Variants in SMAD6 observed in about 807,000 individuals in gnomAD.
The protein encoded by SMAD6 is SMAD family member 6, also known as MAD homolog 6.
Under a neutral mutation model 39.4 loss-of-function variants are expected in SMAD6, and 103 were observed. The ratio of observed to expected loss-of-function variants is 2.62; its 90% CI spans 2.23 to 3.08. The LOEUF is 3.08. Ranked by LOEUF, SMAD6 falls within the 30% of genes most tolerant of loss-of-function variation. The pLI is 0.00. For missense variants in SMAD6, 1,104 were observed against 742.9 expected (o/e 1.49, Z -5.65); for synonymous variants, 445 against 353.3 (o/e 1.26, Z -2.91).
intron 3 of SMAD6, among the ~76,000 whole-genome samples, chr15:66,734,523 T>A (rs2439385): frequency 1.3e-5 from 2 of 152,050 alleles, no homozygotes; most frequent in South Asian, 2.1e-4. Context: ...TGCCAGGAGC[T>A]GCTCTAAGTA....
At chr15:66,744,492 C>T (rs904907731) in intron 3 of SMAD6, among the ~76,000 whole-genome samples, 2 of 152,244 alleles carry the variant, frequency 1.3e-5, no homozygotes, top group African/African-American at 4.8e-5. Flanking sequence ...ACTTCCACTC[C>T]ATCCACCTCC....
intron 3 of SMAD6, among the ~76,000 whole-genome samples, chr15:66,719,799 C>G (rs2469120): frequency 1.3e-5 from 2 of 151,932 alleles, no homozygotes; most frequent in African/African-American, 2.4e-5. Flanking sequence ...AGCTCTCTGC[C>G]GAGTAGTTGT....
intron 3 of SMAD6, among the ~76,000 whole-genome samples, chr15:66,777,070 G>A (rs898555449): frequency 6.6e-6 from 1 of 151,720 alleles, no homozygotes; most frequent in African/African-American, 2.4e-5. Context: ...TGGTCGCCCT[G>A]TGTCATTCCC....
intron 3 of SMAD6, among the ~76,000 whole-genome samples, chr15:66,732,639 G>A (rs1893649939): frequency 6.6e-6 from 1 of 152,182 alleles, no homozygotes; most frequent in Admixed American, 6.5e-5. Flanking sequence ...TGGGATTGCA[G>A]GTGTGAGCCA....
intron 3 of SMAD6, among the ~76,000 whole-genome samples, chr15:66,748,377 A>G (rs1388684407): frequency 1.3e-5 from 2 of 152,238 alleles, no homozygotes; most frequent in Admixed American, 1.3e-4. Flanking sequence ...GGGATTATTA[A>G]TAGAGCCTAG....
chr15:66,717,239 G>GTCAGTCCCAGCCA, intron 3 of SMAD6: 3 of 780,830 alleles, frequency 3.8e-6, no homozygotes, highest in Non-Finnish European at 5.7e-6. Flanking sequence ...CATGCTGGCT[G>GTCAGTCCCAGCCA]GGACTGACAG....
chr15:66,773,196 G>A (rs1187898487), intron 3 of SMAD6, among the ~76,000 whole-genome samples: 2 of 149,908 alleles, frequency 1.3e-5, no homozygotes, highest in Non-Finnish European at 3.0e-5. Context: ...AGCCAAAGGT[G>A]CTGGAGCTGA....
intron 3 of SMAD6, among the ~76,000 whole-genome samples, chr15:66,760,323 A>C (rs1894176206): frequency 6.6e-6 from 1 of 152,168 alleles, no homozygotes; most frequent in Non-Finnish European, 1.5e-5. Context: ...GGTGCTAGGC[A>C]GTGCCTGTGG....
chr15:66,737,585 A>G (rs1464251252), intron 3 of SMAD6, among the ~76,000 whole-genome samples: 2 of 151,894 alleles, frequency 1.3e-5, no homozygotes, highest in Admixed American at 1.3e-4. Context: ...TCCTCACCCC[A>G]TTGGCCCTGG....
Position 66,781,249 on chromosome 15 carries a change from C to T in SMAD6, c.1205C>T (p.Ala402Val), listed in dbSNP as rs765507414. 6.2e-7 allele frequency: 1 copy of T among 1,608,456 alleles called. No individual in the cohort carries two copies. The highest frequency in any genetic ancestry group is 1.1e-5 in the South Asian group (1 of 91,054). The change falls in exon 4 of 4, where the codon GCC (alanine) becomes GTC (valine). Residue 402 changes from alanine to valine, a missense_variant. By Grantham distance (64) the Ala-to-Val change is moderately conservative (BLOSUM62 0). Transcript: ENST00000288840. ...LLSKEPDGVW[A>V]YNRGEHPIFV... ...AGCAAGGAGCCCGACGGCGTGTGGG[C>T]CTACAACCGCGGCGAGCACCCCATC...
At chr15:66,758,406 A>T (rs1246509221) in intron 3 of SMAD6, among the ~76,000 whole-genome samples, 1 of 152,172 alleles carries the variant, frequency 6.6e-6, no homozygotes, top group Non-Finnish European at 1.5e-5. Flanking sequence ...AGTAAATACG[A>T]ATGTGTTAAA....
chr15:66,731,615 GC>G (rs1278999735), intron 3 of SMAD6, among the ~76,000 whole-genome samples: 20 of 152,138 alleles, frequency 1.3e-4, no homozygotes, highest in Admixed American at 9.8e-4. Flanking sequence ...CTAGTATACT[GC>G]TTTGAGATTC....
In SMAD6 at chr15:66,747,673, C is replaced by T. The variant is rs1315406340; in HGVS notation, c.952+31175C>T. ...CGGTTTCCCCCTTAGTCATACCTAC[C>T]TAGGATAATTGGAAAATGAGGAGTG... On this transcript the variant is annotated intron_variant, in intron 3 of 3. Coordinates refer to ENST00000288840, the MANE Select transcript of SMAD6 (RefSeq NM_005585.5). The surrounding 1 kb of genome is among the most constrained non-coding windows in gnomAD (Gnocchi z 4.5). Among the ~76,000 whole-genome samples the T allele has an allele frequency of 6.6e-6, 1 of 152,176 alleles. No homozygotes were observed. The highest frequency in any genetic ancestry group is 1.5e-5 in the Non-Finnish European group (1 of 68,030).
chr15:66,760,457 G>A (rs1894178706), intron 3 of SMAD6, among the ~76,000 whole-genome samples: 1 of 152,242 alleles, frequency 6.6e-6, no homozygotes, highest in African/African-American at 2.4e-5. Context: ...TAGGGTTGTT[G>A]TGAGAACTAG....
At position 66,762,579 on chromosome 15, in the gene SMAD6, C is replaced by G. The variant is rs548214618; in HGVS notation, c.953-18418C>G. On this transcript the variant is annotated intron_variant, in intron 3 of 3. Coordinates refer to ENST00000288840, the MANE Select transcript of SMAD6 (RefSeq NM_005585.5). ...TGGGGGAGGCAGAGGTGGTCAGACT[C>G]CAGCAAGAAGGACCTGCTGGAAGTG... Among the ~76,000 whole-genome samples, 369 of 152,120 alleles carry G rather than the reference C, an allele frequency of 2.4e-3. 4 individuals are homozygous for G. Among genetic ancestry groups the G allele is most frequent in the African/African-American group, 8.5e-3 (354 of 41,500 alleles).
chr15:66,704,160 G>A (rs1184204612), intron 1 of SMAD6, 85 bp downstream of exon 1: 2 of 1,115,880 alleles, frequency 1.8e-6, no homozygotes, highest in African/African-American at 1.6e-5. Context: ...ACTGCGGGTC[G>A]GCGCAGCTGC....
At chr15:66,706,413 T>TGG (rs1249222490) in intron 1 of SMAD6, 2 of 152,366 alleles carry the variant, frequency 1.3e-5, no homozygotes. Context: ...TCAGCCACCC[T>TGG]GGGGACAGCT....
intron 1 of SMAD6, 144 bp downstream of exon 1, chr15:66,704,219 G>T (rs1893058508): frequency 3.7e-6 from 2 of 535,786 alleles, no homozygotes; most frequent in African/African-American, 2.0e-5. Context: ...CAGGGGAGGC[G>T]CCTCAGACCG....
intron 3 of SMAD6, among the ~76,000 whole-genome samples, chr15:66,772,950 C>G (rs1032917414): frequency 1.1e-4 from 16 of 152,216 alleles, no homozygotes; most frequent in South Asian, 2.1e-4. Context: ...TCTCCCTCCT[C>G]CTGGTTCTGT....
Sources: gnomAD v4.1 joint callset for allele counts (sites outside exome capture counted in the v4.1 genomes callset) on GRCh38, gnomAD v4.1.1 for gene constraint, Gnocchi (gnomAD v3.1) non-coding constraint, MANE v1.5 for transcripts, NCBI Gene and HGNC (gene_info 2026-07-23, HGNC 2026-07-21) for gene names.